Variants in ZSWIM8 observed in about 807,000 individuals in gnomAD.
The protein encoded by ZSWIM8 is zinc finger SWIM domain-containing protein 8.
ZSWIM8 carries 27 observed loss-of-function variants against 173.7 expected under a neutral mutation model. The ratio of observed to expected loss-of-function variants is 0.16; its 90% CI spans 0.11 to 0.21. ZSWIM8 has a LOEUF of 0.21. ZSWIM8 is among the 10% of genes least tolerant of loss of function. The pLI, the probability that ZSWIM8 is intolerant of heterozygous loss-of-function variation, is 1.00. For missense variants in ZSWIM8, 1,627 were observed against 2,428.8 expected (o/e 0.67, Z 6.94); for synonymous variants, 958 against 962.0 (o/e 1.00, Z 0.08).
chr10:73,789,081 C>G lies in ZSWIM8; in HGVS notation c.363-15C>G, dbSNP rs752767517. 1 of 1,612,762 alleles carries G rather than the reference C, an allele frequency of 6.2e-7. No homozygotes were observed. The highest frequency in any genetic ancestry group is 1.1e-5 in the South Asian group (1 of 91,064). On this transcript the variant is annotated splice_polypyrimidine_tract_variant and intron_variant, in intron 2 of 25. Transcript: ENST00000604729. The surrounding 1 kb of genome is among the most constrained non-coding windows in gnomAD (Gnocchi z 6.8). ...ATTTGCTGAGTTGTGGCTGTGTCCT[C>G]TTCTTCACCCCCAGGCTGTATTCGT...
chr10:73,797,702 T>A lies in ZSWIM8; in HGVS notation c.3663-79T>A. ...CCATTGTCTCCCAGCATCCTCACTT[T>A]CCCTGGTCCTTCCCAACCTACCCGG... On this transcript the variant is annotated intron_variant, in intron 18 of 25. Transcript: ENST00000604729. This position sits in a 1 kb window ranked among gnomAD's most constrained non-coding sequence, Gnocchi z 5.6. The A allele has an allele frequency of 6.4e-7, 1 of 1,564,844 alleles. No individual in the cohort carries two copies. The highest frequency in any genetic ancestry group is 8.7e-7 in the Non-Finnish European group (1 of 1,151,378).
chr10:73,795,467 C>T, intron 14 of ZSWIM8, 72 bp from the exon 15 acceptor site: 2 of 1,591,440 alleles, frequency 1.3e-6, no homozygotes, highest in East Asian at 2.3e-5. Flanking sequence ...GCTTGGGAAC[C>T]CTGGCCTCTT....
chr10:73,799,740 G>A, intron 21 of ZSWIM8: 1 of 637,504 alleles, frequency 1.6e-6, no homozygotes. Flanking sequence ...AGACCAGCCT[G>A]GCCAACATGG....
Position 73,785,917 on chromosome 10 carries a change from C to T in ZSWIM8, c.39C>T (p.Arg13=). ...LMFAEWEDGE[R]FSFEDSDRFE... The stretch of plus-strand genomic sequence containing the variant: ...TTGCAGAGTGGGAGGACGGAGAGCG[C>T]TTCTCATTCGAGGATTCGGACCGTT... Residue 13 remains arginine, a synonymous_variant, in exon 1 of 26, where the codon CGC becomes CGT. Transcript: ENST00000604729. 1 of 1,550,926 alleles carries T rather than the reference C, an allele frequency of 6.4e-7. No homozygotes were observed.
In ZSWIM8 at chr10:73,791,247, C is replaced by G; in HGVS notation, c.1143+71C>G. The G allele has an allele frequency of 1.3e-6, 2 of 1,569,038 alleles. No homozygotes were observed. Among genetic ancestry groups the G allele is most frequent in the Non-Finnish European group, 8.7e-7 (1 of 1,151,688 alleles). ...CTCCCCCTGCCTCATCCTCCTCTTGCTGAAATGGACTCTGGGAGGGCTACT... is the reference window on the plus strand; with the variant it reads ...CTCCCCCTGCCTCATCCTCCTCTTGGTGAAATGGACTCTGGGAGGGCTACT... On this transcript the variant is annotated intron_variant, in intron 8 of 25. Transcript: ENST00000604729. This position sits in a 1 kb window ranked among gnomAD's most constrained non-coding sequence, Gnocchi z 6.0.
chr10:73,791,542 A>G lies in ZSWIM8; in HGVS notation c.1319+43A>G. 1 of 1,521,830 alleles carries G rather than the reference A, an allele frequency of 6.6e-7. No homozygotes were observed. Among genetic ancestry groups the G allele is most frequent in the Non-Finnish European group, 8.9e-7 (1 of 1,128,386 alleles). 94.3% of individuals were successfully genotyped at this position (1,521,830 alleles called of 1,614,324 possible). ...CTCACCACAGAACTGAGCCTGGGCC[A>G]GCTCAGGACAGACTGAGCCTTCATC... On this transcript the variant is annotated intron_variant, in intron 9 of 25. Transcript: ENST00000604729. This position sits in a 1 kb window ranked among gnomAD's most constrained non-coding sequence, Gnocchi z 6.0.
At position 73,798,215 on chromosome 10, in the gene ZSWIM8, C is replaced by G. The variant is rs759730589; in HGVS notation, c.3953-15C>G. 6.2e-7 allele frequency: 1 copy of G among 1,613,122 alleles called. No individual in the cohort carries two copies. The highest frequency in any genetic ancestry group is 1.1e-5 in the South Asian group (1 of 91,060). On this transcript the variant is annotated splice_polypyrimidine_tract_variant and intron_variant, in intron 19 of 25. Transcript: ENST00000604729. Reference sequence around the variant, plus strand: ...CACACTAACCCAACTCTGCCCTTCTCTCCTTTCCCCTAAGGCCAGGCCATG... The same window carrying G: ...CACACTAACCCAACTCTGCCCTTCTGTCCTTTCCCCTAAGGCCAGGCCATG...
At position 73,794,574 on chromosome 10, in the gene ZSWIM8, G is replaced by A. The variant is rs1393486610; in HGVS notation, c.2843G>A (p.Arg948His). The A allele has an allele frequency of 1.1e-5, 17 of 1,560,654 alleles. No homozygotes were observed. The highest frequency in any genetic ancestry group is 3.3e-4 in the Middle Eastern group (2 of 6,002). Residue 948 changes from arginine to histidine, a missense_variant, in exon 14 of 26, where the codon CGC becomes CAC. Coordinates refer to ENST00000604729, the MANE Select transcript of ZSWIM8 (RefSeq NM_001367799.1). ...VSPTGSRPPS[R>H]NWNSETPGDE... ...CCCACAGGTTCCCGGCCCCCAAGTCGCAACTGGAACAGCGAGACACCTGGG... is the reference window on the plus strand; with the variant it reads ...CCCACAGGTTCCCGGCCCCCAAGTCACAACTGGAACAGCGAGACACCTGGG...
At position 73,785,847 on chromosome 10, in the gene ZSWIM8, G is replaced by C. The variant is rs1048981873; in HGVS notation, c.-32G>C. The C allele has an allele frequency of 1.2e-5, 17 of 1,474,136 alleles. No homozygotes were observed. The Admixed American group carries it at 1.7e-4, about 15-fold the overall frequency. The allele number at this position is 1,474,136 out of a possible 1,614,324, so 91.3% of individuals were successfully genotyped here. Reference sequence around the variant, plus strand: ...GGCGGCCCAGGCCCCGGATCCGCGGGGGGGGACCCGGCCCCGGGGGGTGCG... The same window carrying C: ...GGCGGCCCAGGCCCCGGATCCGCGGCGGGGGACCCGGCCCCGGGGGGTGCG... On this transcript the variant is annotated 5_prime_UTR_variant, in exon 1 of 26. Transcript: ENST00000604729.
At chr10:73,786,158 G>T in intron 1 of ZSWIM8, 72 bp downstream of exon 1, 1 of 1,396,074 alleles carries the variant, frequency 7.2e-7, no homozygotes. Context: ...TCCGGGACCA[G>T]GAGCTGTCCC....
In ZSWIM8 at chr10:73,797,244, C is replaced by T. The variant is rs770211974; in HGVS notation, c.3406C>T (p.Pro1136Ser). 3 of 1,613,788 alleles carry T rather than the reference C, an allele frequency of 1.9e-6. No homozygotes were observed. Among genetic ancestry groups the T allele is most frequent in the African/African-American group, 2.7e-5 (2 of 74,920 alleles). The change falls in exon 17 of 26, where the codon CCA becomes TCA. Residue 1136 changes from proline to serine, a missense_variant. Coordinates refer to ENST00000604729, the MANE Select transcript of ZSWIM8 (RefSeq NM_001367799.1). This position sits in a 1 kb window ranked among gnomAD's most constrained non-coding sequence, Gnocchi z 5.6. ...CTATAATGGACGGGGATGGGGGTCC[C>T]CAGGACGGCCTAAGAAGAAGCACAC... ...GGYNGRGWGSPGRPKKKHTGM... is the reference protein window; with the variant it reads ...GGYNGRGWGSSGRPKKKHTGM...
At chr10:73,786,691 T>C (rs1480847640) in intron 1 of ZSWIM8, 1 of 152,286 alleles carries the variant, frequency 6.6e-6, no homozygotes, top group Non-Finnish European at 1.5e-5. Flanking sequence ...CCATAGTTCA[T>C]AGGTTTAGAT....
chr10:73,787,719 GGCAC>G (rs2083275566), intron 1 of ZSWIM8, among the ~76,000 whole-genome samples: 1 of 152,076 alleles, frequency 6.6e-6, no homozygotes, highest in Non-Finnish European at 1.5e-5. Flanking sequence ...TGGGTGTGTT[GGCAC>G]CCGCTTGTAA....
At position 73,785,876 on chromosome 10, in the gene ZSWIM8, C is replaced by G. The variant is rs1345282572; in HGVS notation, c.-3C>G. 1 of 1,510,030 alleles carries G rather than the reference C, an allele frequency of 6.6e-7. No homozygotes were observed. The highest frequency in any genetic ancestry group is 1.3e-5 in the South Asian group (1 of 79,496). 93.5% of individuals were successfully genotyped at this position (1,510,030 alleles called of 1,614,324 possible). On this transcript the variant is annotated 5_prime_UTR_variant, in exon 1 of 26. Transcript: ENST00000604729. ...GGACCCGGCCCCGGGGGGTGCGGGC[C>G]CCATGGAGCTGATGTTTGCAGAGTG... is the stretch of plus-strand genomic sequence containing the variant.
At position 73,790,276 on chromosome 10, in the gene ZSWIM8, T is replaced by C; in HGVS notation, c.925T>C (p.Ser309Pro). Residue 309 changes from serine to proline, a missense_variant, in exon 7 of 26, where the codon TCC becomes CCC. By Grantham distance (74) the Ser-to-Pro change is moderately conservative. Transcript: ENST00000604729. ...GACACTGCACAAGTTCTGTGGCCCC[T>C]CCCCTGTGGTCTTCAGGTAAATCGG... ...KKTLHKFCGP[S>P]PVVFSDVNSM... 6.2e-7 allele frequency: 1 copy of C among 1,608,596 alleles called. No homozygotes were observed. The highest frequency in any genetic ancestry group is 8.5e-7 in the Non-Finnish European group (1 of 1,177,462).
chr10:73,793,182 G>A (rs1000035989), intron 10 of ZSWIM8, among the ~76,000 whole-genome samples: 1 of 152,148 alleles, frequency 6.6e-6, no homozygotes, highest in Non-Finnish European at 1.5e-5. Flanking sequence ...TCTGTCCTTT[G>A]CACTCCAGTC....
chr10:73,789,696 T>C lies in ZSWIM8; in HGVS notation c.631-21T>C. ...CAAACCTGTTCTCAGATTGTTCCAT[T>C]TTTCTCTGTGTCCCCTTCAGGCTTC... is the stretch of plus-strand genomic sequence containing the variant. On this transcript the variant is annotated intron_variant, in intron 4 of 25. Transcript: ENST00000604729. This position sits in a 1 kb window ranked among gnomAD's most constrained non-coding sequence, Gnocchi z 6.8. 6.3e-7 allele frequency: 1 copy of C among 1,580,510 alleles called. No homozygotes were observed. Among genetic ancestry groups the C allele is most frequent in the East Asian group, 2.3e-5 (1 of 42,854 alleles).
chr10:73,798,981 C>T (rs184972057), intron 20 of ZSWIM8, 21 bp from the exon 21 acceptor site: 11 of 1,591,582 alleles, frequency 6.9e-6, no homozygotes, highest in Middle Eastern at 3.4e-4. Flanking sequence ...CCCCTTAACA[C>T]TCTGTGCCCC....
intron 13 of ZSWIM8, 47 bp downstream of exon 13, chr10:73,794,377 G>C (rs2083532207): frequency 6.3e-7 from 1 of 1,596,634 alleles, no homozygotes; most frequent in African/African-American, 1.3e-5. Context: ...GGTAGGGGTA[G>C]CTTTCTCTAA....
Sources: allele counts gnomAD v4.1 joint callset (sites outside exome capture counted in the v4.1 genomes callset), GRCh38; gene constraint gnomAD v4.1.1; non-coding constraint Gnocchi (gnomAD v3.1); transcripts MANE v1.5; gene names NCBI Gene and HGNC (gene_info 2026-07-23, HGNC 2026-07-21).